CYFIP2: variants seen among roughly 807,000 people sequenced by gnomAD.
The protein encoded by CYFIP2 is cytoplasmic FMR1-interacting protein 2.
In CYFIP2, 29 loss-of-function variants were observed where a neutral mutation model predicts 158.7. That is an observed-to-expected ratio of 0.18 (90% CI 0.14 to 0.25). The LOEUF is 0.25. Ranked by LOEUF, CYFIP2 falls within the 10% of genes least tolerant of loss-of-function variation. CYFIP2 has a pLI of 1.00. For synonymous variants in CYFIP2, 585 were observed against 617.6 expected (o/e 0.95, Z 0.78); for missense variants, 852 against 1,639.5 (o/e 0.52, Z 8.29).
chr5:157,325,667 G>A, intron 17 of CYFIP2, 29 bp downstream of exon 17: 3 of 1,567,514 alleles, frequency 1.9e-6, no homozygotes, highest in East Asian at 4.6e-5. Context: ...CCAGCAAGTG[G>A]CTCCTGGGGT....
At chr5:157,378,649 C>T (rs1330546222) in intron 26 of CYFIP2, among the ~76,000 whole-genome samples, 2 of 152,106 alleles carry the variant, frequency 1.3e-5, no homozygotes, top group African/African-American at 4.8e-5. Context: ...GTGTGCGGAC[C>T]TAGTTAGGAA....
chr5:157,299,773 A>C (rs1237571618), intron 5 of CYFIP2, among the ~76,000 whole-genome samples: 2 of 152,120 alleles, frequency 1.3e-5, no homozygotes, highest in Non-Finnish European at 2.9e-5. Context: ...ATGGTGGTGC[A>C]TGCCTGTAAT....
intron 23 of CYFIP2, among the ~76,000 whole-genome samples, chr5:157,358,462 C>G (rs753120825): frequency 1.1e-4 from 16 of 152,250 alleles, no homozygotes; most frequent in Non-Finnish European, 2.1e-4. Context: ...AACTAAGGCT[C>G]GAAAACTGTA....
At chr5:157,327,535 A>G (rs1023809722) in intron 18 of CYFIP2, among the ~76,000 whole-genome samples, 8 of 151,660 alleles carry the variant, frequency 5.3e-5, no homozygotes, top group African/African-American at 1.9e-4. Flanking sequence ...ACTGCACTCC[A>G]GCCTAGGTGA....
intron 13 of CYFIP2, 113 bp from the exon 14 acceptor site, chr5:157,319,649 C>A: frequency 1.5e-6 from 2 of 1,328,298 alleles, no homozygotes; most frequent in South Asian, 1.4e-5. Context: ...GTAGCACTGG[C>A]CTCATGCCTC....
intron 23 of CYFIP2, among the ~76,000 whole-genome samples, chr5:157,354,973 A>G (rs1313074432): frequency 6.6e-6 from 1 of 152,112 alleles, no homozygotes; most frequent in Non-Finnish European, 1.5e-5. Flanking sequence ...ATGAGCGTCC[A>G]GGAAGAATGC....
intron 14 of CYFIP2, 110 bp downstream of exon 14, chr5:157,320,038 C>A: frequency 7.5e-7 from 1 of 1,334,466 alleles, no homozygotes; most frequent in Non-Finnish European, 1.0e-6. Context: ...TTCCAGCAAG[C>A]TCCAGAGGGC....
At chr5:157,374,519 G>A (rs980905041) in intron 26 of CYFIP2, among the ~76,000 whole-genome samples, 2 of 152,060 alleles carry the variant, frequency 1.3e-5, no homozygotes, top group African/African-American at 4.8e-5. Flanking sequence ...TGGTATCATT[G>A]TCTCCCAGCA....
chr5:157,303,821 C>T (rs191677776), intron 7 of CYFIP2, among the ~76,000 whole-genome samples: 6 of 151,938 alleles, frequency 3.9e-5, no homozygotes, highest in Admixed American at 3.3e-4. Flanking sequence ...ACACCTGCCC[C>T]CCTCCCCACC....
intron 23 of CYFIP2, chr5:157,343,605 C>G (rs1462360613): frequency 7.7e-7 from 1 of 1,292,620 alleles, no homozygotes; most frequent in Non-Finnish European, 1.1e-6. Flanking sequence ...TTATCATAAT[C>G]ATAGCCACCA....
In CYFIP2 at chr5:157,301,225, A is replaced by C. The variant is rs146473105; in HGVS notation, c.569+329A>C. ...AAGATCATCACAAAATGGTTACATTAGTCATTTTCTGCAAGAATCATAAAG... is the reference window on the plus strand; with the variant it reads ...AAGATCATCACAAAATGGTTACATTCGTCATTTTCTGCAAGAATCATAAAG... On this transcript the variant is annotated intron_variant, in intron 6 of 30. Transcript: ENST00000620254. Among the ~76,000 whole-genome samples, 430 of 152,366 alleles carry C rather than the reference A, an allele frequency of 2.8e-3. 2 individuals are homozygous for C. The highest frequency in any genetic ancestry group is 4.9e-3 in the Non-Finnish European group (330 of 68,022).
At chr5:157,273,289 C>T (rs557444116) in intron 1 of CYFIP2, among the ~76,000 whole-genome samples, 3 of 152,298 alleles carry the variant, frequency 2.0e-5, no homozygotes, top group South Asian at 2.1e-4. Flanking sequence ...TGCACAAGTC[C>T]CTTCTCTTTT....
chr5:157,393,233 G>A lies in CYFIP2; in HGVS notation c.*233G>A, dbSNP rs1015288808. 9.6e-6 allele frequency: 4 copies of A among 416,222 alleles called. No individual in the cohort carries two copies. Among genetic ancestry groups the A allele is most frequent in the Non-Finnish European group, 1.7e-5 (4 of 235,932 alleles). 25.8% of individuals were successfully genotyped at this position (416,222 alleles called of 1,614,324 possible). A position where few individuals can be genotyped will look rare whatever the true frequency, so the allele number is the denominator to read the frequency against. ...AAAAAAAAAAAAAAAAAGTAAACAG[G>A]GCAGTGTGTGCTTTTTCTTTTCTCC... is the stretch of plus-strand genomic sequence containing the variant. On this transcript the variant is annotated 3_prime_UTR_variant, in exon 31 of 31. Transcript: ENST00000620254.
At chr5:157,296,219 A>G (rs897707740) in intron 4 of CYFIP2, among the ~76,000 whole-genome samples, 1 of 152,212 alleles carries the variant, frequency 6.6e-6, no homozygotes, top group Admixed American at 6.5e-5. Context: ...AGCAGGGGCT[A>G]CCCAAGTCTC....
intron 23 of CYFIP2, among the ~76,000 whole-genome samples, chr5:157,349,266 C>G (rs538145033): frequency 6.6e-6 from 1 of 152,196 alleles, no homozygotes; most frequent in Admixed American, 6.5e-5. Flanking sequence ...TCTTTTATCC[C>G]TCTCCCTCCT....
At chr5:157,340,237 A>C (rs1045738790) in intron 22 of CYFIP2, among the ~76,000 whole-genome samples, 1 of 152,262 alleles carries the variant, frequency 6.6e-6, no homozygotes, top group Non-Finnish European at 1.5e-5. Context: ...ATGCAAAAAA[A>C]ATGTATTCAT....
chr5:157,383,211 C>G (rs1466998489), intron 27 of CYFIP2, 54 bp from the exon 28 acceptor site: 1 of 1,524,898 alleles, frequency 6.6e-7, no homozygotes, highest in African/African-American at 1.4e-5. Flanking sequence ...TTTCCTTCCC[C>G]AGTTGCCCTG....
intron 21 of CYFIP2, among the ~76,000 whole-genome samples, chr5:157,336,008 A>G (rs1330094007): frequency 6.6e-6 from 1 of 152,194 alleles, no homozygotes; most frequent in Non-Finnish European, 1.5e-5. Context: ...GTGGCTCCCC[A>G]GAGAACACCA....
chr5:157,319,229 A>G (rs1418222433), intron 13 of CYFIP2, among the ~76,000 whole-genome samples: 1 of 152,192 alleles, frequency 6.6e-6, no homozygotes, highest in Non-Finnish European at 1.5e-5. Flanking sequence ...GAGTAGAGGC[A>G]TTCTCCCCCA....
Sources: allele counts gnomAD v4.1 joint callset (sites outside exome capture counted in the v4.1 genomes callset), GRCh38; gene constraint gnomAD v4.1.1; transcripts MANE v1.5; gene names NCBI Gene and HGNC (gene_info 2026-07-23, HGNC 2026-07-21).